RUVBL2: variants seen among roughly 807,000 people sequenced by gnomAD.
RUVBL2 encodes ruvB-like 2.
Under a neutral mutation model 57.9 loss-of-function variants are expected in RUVBL2, and 9 were observed. The ratio of observed to expected loss-of-function variants is 0.16; its 90% CI spans 0.09 to 0.27. The LOEUF (loss-of-function observed/expected upper bound fraction) is 0.27. Ranked by LOEUF, RUVBL2 falls within the 10% of genes least tolerant of loss-of-function variation. RUVBL2 has a pLI of 1.00. For synonymous variants in RUVBL2, 278 were observed against 264.6 expected (o/e 1.05, Z -0.49); for missense variants, 456 against 669.6 (o/e 0.68, Z 3.52).
chr19:49,013,251 C>T lies in RUVBL2; in HGVS notation c.1002-1233C>T, dbSNP rs138074507. Among the ~76,000 whole-genome samples the T allele has an allele frequency of 1.1e-4, 17 of 151,624 alleles. No individual in the cohort carries two copies. The East Asian group carries it at 1.2e-3, about 10-fold the overall frequency. On this transcript the variant is annotated intron_variant, in intron 11 of 14. Coordinates refer to ENST00000595090, the MANE Select transcript of RUVBL2 (RefSeq NM_006666.3). ...TGTTGAGATTACAGGGGTGAGTCAC[C>T]GCGTCCGGCCTAATTTTTTTTTTTT...
chr19:48,999,484 C>T, intron 2 of RUVBL2, 111 bp downstream of exon 2: 1 of 1,075,598 alleles, frequency 9.3e-7, no homozygotes, highest in Non-Finnish European at 1.4e-6. Flanking sequence ...TGCACACCAA[C>T]TGTGCCCCCA....
intron 6 of RUVBL2, among the ~76,000 whole-genome samples, chr19:49,009,341 G>T (rs1309653901): frequency 6.6e-6 from 1 of 151,582 alleles, no homozygotes. Flanking sequence ...ACAAAAATTA[G>T]CCATGCGTGG....
At chr19:49,014,000 A>C (rs538340616) in intron 11 of RUVBL2, among the ~76,000 whole-genome samples, 1 of 152,244 alleles carries the variant, frequency 6.6e-6, no homozygotes. Context: ...AAAATACTGT[A>C]AGCCGAGGCT....
chr19:49,004,145 G>A (rs1409795267), intron 3 of RUVBL2, 132 bp from the exon 4 acceptor site: 6 of 1,036,844 alleles, frequency 5.8e-6, no homozygotes, highest in Non-Finnish European at 8.2e-6. Context: ...AAAAAAGCAG[G>A]GAAAGCTTTT....
intron 4 of RUVBL2, among the ~76,000 whole-genome samples, chr19:49,005,168 A>T (rs57294472): frequency 6.6e-6 from 1 of 152,100 alleles, no homozygotes; most frequent in South Asian, 2.1e-4. Flanking sequence ...TCTCTGCCCC[A>T]TTGAAGCTTT....
At position 49,000,710 on chromosome 19, in the gene RUVBL2, C is replaced by T. The variant is rs192846040; in HGVS notation, c.67+1337C>T. Among the ~76,000 whole-genome samples the T allele has an allele frequency of 5.9e-5, 9 of 152,116 alleles. No individual in the cohort carries two copies. The East Asian group carries it at 1.7e-3, about 29-fold the overall frequency. ...TGAAACCCTGTCTCTACTAAAAATACAAAAATTAGCCAGGCATGGTGGTGC... is the reference window on the plus strand; with the variant it reads ...TGAAACCCTGTCTCTACTAAAAATATAAAAATTAGCCAGGCATGGTGGTGC... On this transcript the variant is annotated intron_variant, in intron 2 of 14. Coordinates refer to ENST00000595090, the MANE Select transcript of RUVBL2 (RefSeq NM_006666.3).
chr19:49,008,049 T>C (rs1037174179), intron 6 of RUVBL2, among the ~76,000 whole-genome samples: 1 of 145,488 alleles, frequency 6.9e-6, no homozygotes, highest in African/African-American at 2.5e-5. Flanking sequence ...TTCTGTTTTC[T>C]CCTTTTTGCA....
At position 49,010,599 on chromosome 19, in the gene RUVBL2, G is replaced by A. The variant is rs369246801; in HGVS notation, c.775G>A (p.Ala259Thr). Residue 259 changes from alanine to threonine, a missense_variant, in exon 9 of 15, where the codon GCG (alanine) becomes ACG (threonine). Ala to Thr is a moderately conservative substitution (Grantham distance 58). Around this residue, in one of 5 missense-constraint regions of RUVBL2, gnomAD observed 130 missense variants for 243.0 expected, o/e 0.53. Transcript: ENST00000595090. ...VINSRTQGFL[A>T]LFSGDTGEIK... is the part of the protein sequence containing the mutation. ...CAACTCTCGCACCCAGGGCTTCCTG[G>A]CGCTCTTCTCAGGTGAGGCCCCTCC... is the stretch of plus-strand genomic sequence containing the variant. 13 of 1,613,400 alleles carry A rather than the reference G, an allele frequency of 8.1e-6. No individual in the cohort carries two copies. Among genetic ancestry groups the A allele is most frequent in the East Asian group, 2.2e-5 (1 of 44,838 alleles).
chr19:49,010,470 C>CCAA lies in RUVBL2; in HGVS notation c.664-17_664-16insAAC. The CCAA allele has an allele frequency of 8.3e-7, 1 of 1,211,172 alleles. No individual in the cohort carries two copies. The allele number at this position is 1,211,172 out of a possible 1,614,324, so 75.0% of individuals were successfully genotyped here. On this transcript the variant is annotated splice_polypyrimidine_tract_variant and intron_variant, in intron 8 of 14. Coordinates refer to ENST00000595090, the MANE Select transcript of RUVBL2 (RefSeq NM_006666.3). Reference sequence around the variant, plus strand: ...CCTGCCCTGTCTCCGCCGTTCTTCCCCCACCCCCGCCCCATAGACCAAGTT... The same window carrying CCAA: ...CCTGCCCTGTCTCCGCCGTTCTTCCCCAACCACCCCCGCCCCATAGACCAAGTT...
At position 49,014,598 on chromosome 19, in the gene RUVBL2, C is replaced by A. The variant is rs1413885138; in HGVS notation, c.1116C>A (p.Arg372=). 1 of 1,614,072 alleles carries A rather than the reference C, an allele frequency of 6.2e-7. No individual in the cohort carries two copies. Among genetic ancestry groups the A allele is most frequent in the Admixed American group, 1.7e-5 (1 of 60,030 alleles). ...YSEKDTKQIL[R]IRCEEEDVEM... ...AGAAAGACACGAAGCAGATCCTCCGCATCCGGTGCGGGCAGGACCAGGCCG... is the reference window on the plus strand; with the variant it reads ...AGAAAGACACGAAGCAGATCCTCCGAATCCGGTGCGGGCAGGACCAGGCCG... Residue 372 remains arginine (R), a synonymous_variant, in exon 12 of 15, where the codon CGC becomes CGA. Transcript: ENST00000595090.
chr19:49,014,485 A>G lies in RUVBL2; in HGVS notation c.1003A>G (p.Ile335Val). The G allele has an allele frequency of 6.2e-7, 1 of 1,613,678 alleles. No homozygotes were observed. The highest frequency in any genetic ancestry group is 8.5e-7 in the Non-Finnish European group (1 of 1,179,766). The change falls in exon 12 of 15, where the codon ATC (isoleucine) becomes GTC (valine). Residue 335 changes from isoleucine (I) to valine (V), a missense_variant and splice_region_variant. Coordinates refer to ENST00000595090, the MANE Select transcript of RUVBL2 (RefSeq NM_006666.3). Reference sequence around the variant, plus strand: ...CCCCTCTTTCTGCCTCTTCCTCAGAATCCGGGGCACCAGCTACCAGAGCCC... The same window carrying G: ...CCCCTCTTTCTGCCTCTTCCTCAGAGTCCGGGGCACCAGCTACCAGAGCCC... ...IMATNRGITR[I>V]RGTSYQSPHG...
At chr19:49,001,980 G>A (rs2039192372) in intron 2 of RUVBL2, among the ~76,000 whole-genome samples, 1 of 151,992 alleles carries the variant, frequency 6.6e-6, no homozygotes, top group Non-Finnish European at 1.5e-5. Flanking sequence ...CTCTCCTCTT[G>A]CAGTGCGAAG....
At chr19:49,004,255 C>T (rs759176832) in intron 3 of RUVBL2, 22 bp from the exon 4 acceptor site, 1 of 1,608,124 alleles carries the variant, frequency 6.2e-7, no homozygotes, top group South Asian at 1.1e-5. Context: ...GAAATCACCT[C>T]ATGTGCGCCT....
Position 49,015,626 on chromosome 19 carries a change from G to C in RUVBL2, c.1306G>C (p.Glu436Gln). 1.2e-6 allele frequency: 2 copies of C among 1,614,100 alleles called. No homozygotes were observed. The highest frequency in any genetic ancestry group is 8.5e-7 in the Non-Finnish European group (1 of 1,180,014). Residue 436 changes from glutamate to glutamine, a missense_variant, in exon 14 of 15, where the codon GAG becomes CAG. Transcript: ENST00000595090. The part of the protein sequence containing the change: ...IKRVYSLFLD[E>Q]SRSTQYMKEY... ...GCGGGTCTACTCACTCTTCCTGGAC[G>C]AGTCCCGCTCCACGCAGTACATGAA...
chr19:49,000,580 C>T (rs1467976118), intron 2 of RUVBL2, among the ~76,000 whole-genome samples: 4 of 147,800 alleles, frequency 2.7e-5, no homozygotes, highest in Admixed American at 2.0e-4. Flanking sequence ...ATAAAAGTGC[C>T]GAGACTGGGT....
intron 1 of RUVBL2, among the ~76,000 whole-genome samples, chr19:48,996,302 C>T (rs2122569472): frequency 6.6e-6 from 1 of 152,146 alleles, no homozygotes; most frequent in African/African-American, 2.4e-5. Flanking sequence ...TGCAAAGATC[C>T]ACCATCCAGG....
intron 5 of RUVBL2, 66 bp from the exon 6 acceptor site, chr19:49,007,236 A>G (rs754469777): frequency 6.8e-6 from 11 of 1,607,942 alleles, no homozygotes; most frequent in Non-Finnish European, 9.4e-6. Context: ...CCCAGAGCTC[A>G]TGGAAGGTTG....
At position 49,011,338 on chromosome 19, in the gene RUVBL2, A is replaced by G. The variant is rs1323951710; in HGVS notation, c.1001+28A>G. ...GAGCCGGCTACAGGGGCCTCTGGGG[A>G]AAACAGGATGCTCTGGGCAGTGGGT... On this transcript the variant is annotated intron_variant, in intron 11 of 14. Transcript: ENST00000595090. The surrounding 1 kb of genome is among the most constrained non-coding windows in gnomAD (Gnocchi z 4.4). The G allele has an allele frequency of 2.5e-6, 4 of 1,573,642 alleles. No individual in the cohort carries two copies. Among genetic ancestry groups the G allele is most frequent in the Non-Finnish European group, 3.5e-6 (4 of 1,144,510 alleles).
chr19:49,004,751 C>T (rs1200829135), intron 4 of RUVBL2, among the ~76,000 whole-genome samples: 1 of 152,058 alleles, frequency 6.6e-6, no homozygotes, highest in Non-Finnish European at 1.5e-5. Context: ...GAGGATGAAC[C>T]CCCTCGAGTT....
Sources: allele counts gnomAD v4.1 joint callset (sites outside exome capture counted in the v4.1 genomes callset), GRCh38; gene constraint gnomAD v4.1.1; regional missense constraint gnomAD v4.1.1; non-coding constraint Gnocchi (gnomAD v3.1); transcripts MANE v1.5; gene names NCBI Gene and HGNC (gene_info 2026-07-23, HGNC 2026-07-21).